Variants in MYRIP observed in about 807,000 individuals in gnomAD.
MYRIP encodes myosin VIIA and Rab interacting protein.
A neutral mutation model predicts 98.0 loss-of-function variants in MYRIP; 49 were observed. That is an observed-to-expected ratio of 0.50 (90% CI 0.40 to 0.63). The LOEUF (loss-of-function observed/expected upper bound fraction) is 0.63, where lower values mean the gene tolerates loss of function less well. Ranked by LOEUF, MYRIP falls within the 30% of genes least tolerant of loss-of-function variation. The pLI is 0.00. For missense variants in MYRIP, 1,004 were observed against 1,058.2 expected (o/e 0.95, Z 0.71); for synonymous variants, 404 against 409.5 (o/e 0.99, Z 0.16).
chr3:39,854,660 G>T (rs555508174), intron 1 of MYRIP, among the ~76,000 whole-genome samples: 5 of 152,100 alleles, frequency 3.3e-5, no homozygotes, highest in Non-Finnish European at 7.4e-5. Flanking sequence ...ATTCCTTCTT[G>T]GTTTGGATCC....
intron 2 of MYRIP, among the ~76,000 whole-genome samples, chr3:39,959,517 C>G (rs1324256183): frequency 6.6e-6 from 1 of 151,986 alleles, no homozygotes; most frequent in African/African-American, 2.4e-5. Flanking sequence ...ACATCAGGGC[C>G]TGTCATGGGG....
At chr3:40,010,240 G>T (rs1452658512) in intron 2 of MYRIP, among the ~76,000 whole-genome samples, 4 of 152,224 alleles carry the variant, frequency 2.6e-5, no homozygotes, top group Non-Finnish European at 4.4e-5. Flanking sequence ...AGACAGCAAG[G>T]CCAAGGAGAA....
chr3:39,811,115 C>A (rs897966021), intron 1 of MYRIP, among the ~76,000 whole-genome samples: 5 of 152,166 alleles, frequency 3.3e-5, no homozygotes, highest in Admixed American at 1.3e-4. Flanking sequence ...GTGGGCGCTT[C>A]TCAGAGCTCT....
chr3:40,204,268 C>A (rs1951735465), intron 10 of MYRIP, among the ~76,000 whole-genome samples: 1 of 117,554 alleles, frequency 8.5e-6, no homozygotes, highest in Admixed American at 1.2e-4. Flanking sequence ...CTCACTCTGT[C>A]ACCCAGGCTG....
chr3:40,083,657 T>G (rs756228517), intron 3 of MYRIP, among the ~76,000 whole-genome samples: 21 of 152,162 alleles, frequency 1.4e-4, no homozygotes, highest in Middle Eastern at 3.4e-3. Context: ...AGAAAAAAAT[T>G]GAAAGCACAT....
chr3:39,939,456 C>T (rs1944730953), intron 2 of MYRIP, among the ~76,000 whole-genome samples: 1 of 152,032 alleles, frequency 6.6e-6, no homozygotes, highest in African/African-American at 2.4e-5. Context: ...ATATCATGAT[C>T]ACTGAAATTA....
At chr3:39,869,517 A>G (rs1361263305) in intron 1 of MYRIP, among the ~76,000 whole-genome samples, 1 of 152,124 alleles carries the variant, frequency 6.6e-6, no homozygotes, top group Non-Finnish European at 1.5e-5. Context: ...AGTATTTATA[A>G]TAATTTATTT....
chr3:40,069,261 A>G (rs896159095), intron 3 of MYRIP, among the ~76,000 whole-genome samples: 1 of 151,994 alleles, frequency 6.6e-6, no homozygotes, highest in African/African-American at 2.4e-5. Flanking sequence ...ACGCACCACC[A>G]CCTACTTTTT....
At chr3:40,072,718 A>G (rs1353077227) in intron 3 of MYRIP, among the ~76,000 whole-genome samples, 1 of 152,154 alleles carries the variant, frequency 6.6e-6, no homozygotes, top group African/African-American at 2.4e-5. Flanking sequence ...TTTCTAACTT[A>G]ATTGAATAGA....
At chr3:39,853,536 T>C (rs1942201466) in intron 1 of MYRIP, among the ~76,000 whole-genome samples, 1 of 152,232 alleles carries the variant, frequency 6.6e-6, no homozygotes, top group Admixed American at 6.5e-5. Context: ...TCATGTTTGT[T>C]GGCCATTTGT....
chr3:40,013,935 A>G (rs1224715449), intron 2 of MYRIP, among the ~76,000 whole-genome samples: 1 of 152,236 alleles, frequency 6.6e-6, no homozygotes, highest in African/African-American at 2.4e-5. Context: ...TTCTAAACAC[A>G]GCTCCTGTTG....
chr3:39,957,285 T>C (rs1461313720), intron 2 of MYRIP, among the ~76,000 whole-genome samples: 1 of 151,726 alleles, frequency 6.6e-6, no homozygotes, highest in East Asian at 1.9e-4. Flanking sequence ...CCCAATAAAA[T>C]ACTGGCAAAC....
At chr3:40,139,868 C>G (rs912261297) in intron 3 of MYRIP, among the ~76,000 whole-genome samples, 3 of 152,212 alleles carry the variant, frequency 2.0e-5, no homozygotes, top group Non-Finnish European at 4.4e-5. Context: ...ATGTGAGCCA[C>G]CACACCCTGC....
At chr3:40,112,305 G>T (rs566835108) in intron 3 of MYRIP, among the ~76,000 whole-genome samples, 56 of 152,180 alleles carry the variant, frequency 3.7e-4, no homozygotes, top group Admixed American at 1.4e-3. Context: ...GAGGAAAGGA[G>T]AGTGAAAGAA....
intron 3 of MYRIP, among the ~76,000 whole-genome samples, chr3:40,054,947 A>G (rs745899624): frequency 6.6e-6 from 1 of 152,202 alleles, no homozygotes; most frequent in Admixed American, 6.5e-5. Context: ...ACCAAGGAAC[A>G]CTACTGAGAG....
chr3:40,158,895 C>G (rs1950309504), intron 4 of MYRIP, among the ~76,000 whole-genome samples: 1 of 151,802 alleles, frequency 6.6e-6, no homozygotes, highest in Admixed American at 6.5e-5. Context: ...TGTGTCTCTG[C>G]ACGTGAGATG....
At chr3:40,086,934 G>T (rs1575527258) in intron 3 of MYRIP, among the ~76,000 whole-genome samples, 1 of 152,030 alleles carries the variant, frequency 6.6e-6, no homozygotes, top group South Asian at 2.1e-4. Flanking sequence ...GAGCTCTGGG[G>T]TAGGAACAAG....
At chr3:39,860,102 C>CATG in intron 1 of MYRIP, among the ~76,000 whole-genome samples, 1 of 152,164 alleles carries the variant, frequency 6.6e-6, no homozygotes, top group Admixed American at 6.5e-5. Context: ...GTATAGAAAA[C>CATG]TCTAAAGACT....
intron 4 of MYRIP, among the ~76,000 whole-genome samples, chr3:40,160,638 T>A (rs1323416216): frequency 2.0e-5 from 3 of 152,184 alleles, no homozygotes; most frequent in African/African-American, 7.2e-5. Context: ...GTGCTAGCAA[T>A]CAGCGAGACT....
Sources: gnomAD v4.1 joint callset for allele counts (sites outside exome capture counted in the v4.1 genomes callset) on GRCh38, gnomAD v4.1.1 for gene constraint, MANE v1.5 for transcripts, NCBI Gene and HGNC (gene_info 2026-07-23, HGNC 2026-07-21) for gene names.